IL16: variants seen among roughly 807,000 people sequenced by gnomAD.
IL16 encodes interleukin 16.
A neutral mutation model predicts 110.1 loss-of-function variants in IL16; 67 were observed. That is an observed-to-expected ratio of 0.61 (90% CI 0.50 to 0.75). The LOEUF is 0.75. IL16 is among the 30% of genes least tolerant of loss of function. IL16 has a pLI of 0.00. For synonymous variants in IL16, 689 were observed against 662.9 expected, an observed-to-expected ratio of 1.04 and a Z score of -0.61; for missense variants, 1,545 against 1,655.0, an observed-to-expected ratio of 0.93 and a Z score of 1.15.
At chr15:81,259,528 G>T (rs139178003) in intron 2 of IL16, among the ~76,000 whole-genome samples, 82 of 152,282 alleles carry the variant, frequency 5.4e-4, no homozygotes, top group Non-Finnish European at 9.4e-4. Context: ...CATTCAATTT[G>T]TGTCGCATTA....
In IL16 at chr15:81,292,685, T is replaced by C. The variant is rs140650907; in HGVS notation, c.1550T>C (p.Met517Thr). ...MIRSSSDSSY[M>T]SGSPGGSPGS... ...CGCTCCAGCAGTGACAGCAGCTACA[T>C]GTCTGGGTCCCCAGGGGGAAGTCCT... Residue 517 changes from methionine to threonine, a missense_variant, in exon 12 of 19, where the codon ATG (methionine) becomes ACG (threonine). Around this residue, in one of 3 missense-constraint regions of IL16, gnomAD observed 1,185 missense variants for 1,238.8 expected, o/e 0.96. Transcript: ENST00000683961. The C allele has an allele frequency of 8.7e-6, 14 of 1,614,132 alleles. No homozygotes were observed. The African/African-American group carries it at 1.5e-4, about 17-fold the overall frequency.
Position 81,313,308 on chromosome 15 carries a change from A to T in IL16, c.*4510A>T. On this transcript the variant is annotated 3_prime_UTR_variant, in exon 19 of 19. Coordinates refer to ENST00000683961, the MANE Select transcript of IL16 (RefSeq NM_172217.5). Reference sequence around the variant, plus strand: ...CTGAAGGTTGGCATAAAACCGGGTCATGCTGCGGGGGAAGAAGGAGTCCAC... The same window carrying T: ...CTGAAGGTTGGCATAAAACCGGGTCTTGCTGCGGGGGAAGAAGGAGTCCAC... 3.8e-6 allele frequency: 6 copies of T among 1,580,132 alleles called. No individual in the cohort carries two copies. The highest frequency in any genetic ancestry group is 1.2e-5 in the South Asian group (1 of 84,726).
chr15:81,308,498 C>A, intron 18 of IL16, 107 bp from the exon 19 acceptor site: 1 of 788,050 alleles, frequency 1.3e-6, no homozygotes, highest in Admixed American at 2.6e-5. Flanking sequence ...AGGGATGGTG[C>A]CCTGTTCTCT....
At chr15:81,293,316 C>T (rs1899829338) in intron 12 of IL16, among the ~76,000 whole-genome samples, 1 of 152,178 alleles carries the variant, frequency 6.6e-6, no homozygotes, top group African/African-American at 2.4e-5. Flanking sequence ...TTTTCACTCA[C>T]CATGAAGGAA....
At chr15:81,229,379 T>C (rs991518589) in intron 2 of IL16, among the ~76,000 whole-genome samples, 1 of 151,944 alleles carries the variant, frequency 6.6e-6, no homozygotes, top group Non-Finnish European at 1.5e-5. Flanking sequence ...CAGAGGGATA[T>C]GGGCTCGCAG....
intron 2 of IL16, among the ~76,000 whole-genome samples, chr15:81,245,275 T>C (rs1897497006): frequency 6.6e-6 from 1 of 152,196 alleles, no homozygotes; most frequent in Admixed American, 6.5e-5. Context: ...TATTCAAACC[T>C]TCCATTTTAG....
chr15:81,190,817 C>G (rs1003456332), intron 1 of IL16, among the ~76,000 whole-genome samples: 1 of 152,180 alleles, frequency 6.6e-6, no homozygotes, highest in African/African-American at 2.4e-5. Context: ...AATTACACCC[C>G]AGACCCAGGG....
intron 5 of IL16, among the ~76,000 whole-genome samples, chr15:81,270,128 A>G (rs1898566700): frequency 1.3e-5 from 2 of 152,358 alleles, no homozygotes; most frequent in African/African-American, 4.8e-5. Flanking sequence ...CAATTGTAGC[A>G]TCTGGAAGAG....
At position 81,279,549 on chromosome 15, in the gene IL16, T is replaced by C. The variant is rs1899072073; in HGVS notation, c.865-9T>C. 3 of 1,607,430 alleles carry C rather than the reference T, an allele frequency of 1.9e-6. No individual in the cohort carries two copies. The highest frequency in any genetic ancestry group is 1.7e-5 in the Admixed American group (1 of 59,882). The stretch of plus-strand genomic sequence containing the variant: ...TGCTGGGTGTTGTAGCCCTCTCTCT[T>C]TCTTTCAGCAAGCCAAAAAGGGGCT... On this transcript the variant is annotated splice_polypyrimidine_tract_variant and intron_variant, in intron 7 of 18. Transcript: ENST00000683961.
At chr15:81,302,472 G>A (rs542653178) in intron 15 of IL16, among the ~76,000 whole-genome samples, 1 of 152,292 alleles carries the variant, frequency 6.6e-6, no homozygotes, top group Non-Finnish European at 1.5e-5. Flanking sequence ...CCTGATACTT[G>A]GGTAAAAGTT....
At chr15:81,248,431 G>A (rs1042902669) in intron 2 of IL16, among the ~76,000 whole-genome samples, 1 of 151,296 alleles carries the variant, frequency 6.6e-6, no homozygotes, top group African/African-American at 2.4e-5. Flanking sequence ...GATTTACAAT[G>A]TAAATCTGTC....
chr15:81,265,520 C>T, intron 3 of IL16, 139 bp from the exon 4 acceptor site: 1 of 883,636 alleles, frequency 1.1e-6, no homozygotes, highest in Non-Finnish European at 1.7e-6. Flanking sequence ...CCTCTCCCCA[C>T]CACGCACCTG....
intron 1 of IL16, among the ~76,000 whole-genome samples, chr15:81,205,713 C>CA (rs1257506879): frequency 6.6e-6 from 1 of 151,756 alleles, no homozygotes; most frequent in Non-Finnish European, 1.5e-5. Context: ...AAAAGGGAAA[C>CA]AAAAAAAGCC....
chr15:81,227,343 G>T (rs1451097726), intron 2 of IL16, among the ~76,000 whole-genome samples: 2 of 152,170 alleles, frequency 1.3e-5, no homozygotes, highest in African/African-American at 4.8e-5. Context: ...ATGAGGAGGG[G>T]TTACTGCTTT....
At chr15:81,245,792 G>C (rs2142120751) in intron 2 of IL16, among the ~76,000 whole-genome samples, 1 of 133,244 alleles carries the variant, frequency 7.5e-6, no homozygotes, top group African/African-American at 3.0e-5. Flanking sequence ...TGCAATTCTG[G>C]AATACATGAG....
At chr15:81,227,456 G>C (rs1040235866) in intron 2 of IL16, among the ~76,000 whole-genome samples, 3 of 152,084 alleles carry the variant, frequency 2.0e-5, no homozygotes, top group Admixed American at 1.3e-4. Context: ...CTGGGGAAGG[G>C]CATTGCAGGC....
In IL16 at chr15:81,285,804, A is replaced by G. The variant is rs1899423158; in HGVS notation, c.1306A>G (p.Ile436Val). 8 of 1,614,082 alleles carry G rather than the reference A, an allele frequency of 5.0e-6. No individual in the cohort carries two copies. The highest frequency in any genetic ancestry group is 5.9e-6 in the Non-Finnish European group (7 of 1,180,040). The part of the protein sequence containing the change: ...SHCDPGPVPI[I>V]VSRHPDPQVS... ...CTGTGATCCCGGTCCAGTCCCCATC[A>G]TTGTTAGCCGACATCCAGACCCACA... The change falls in exon 10 of 19, where the codon ATT becomes GTT. Residue 436 changes from isoleucine to valine, a missense_variant. This residue lies in a region of IL16 where 1,185 missense variants were observed against 1,238.8 expected (regional missense o/e 0.96). Transcript: ENST00000683961.
rs769293255 is a variant in IL16 at position 81,244,551 on chromosome 15, G to A, written c.313-15221G>A. On this transcript the variant is annotated intron_variant, in intron 2 of 18. Coordinates refer to ENST00000683961, the MANE Select transcript of IL16 (RefSeq NM_172217.5). ...TCCTCTTTCAGATAAGAAATCTACT[G>A]TCATCTGAATTGAGTTTCCTTTATA... Among the ~76,000 whole-genome samples, 4 of 151,984 alleles carry A rather than the reference G, an allele frequency of 2.6e-5. No individual in the cohort carries two copies. The East Asian group carries it at 7.7e-4, about 29-fold the overall frequency.
chr15:81,282,715 G>A lies in IL16; in HGVS notation c.1158G>A (p.Thr386=), dbSNP rs748192941. The change falls in exon 9 of 19, where the codon ACG becomes ACA. Residue 386 remains threonine, a synonymous_variant. Coordinates refer to ENST00000683961, the MANE Select transcript of IL16 (RefSeq NM_172217.5). ...GCATCTCTGGCATTTTCGTCCACAC[G>A]CTGTCACCAGGATCCGTGGCGCACC... The part of the protein sequence containing the change: ...FQCISGIFVH[T]LSPGSVAHLD... 4.3e-6 allele frequency: 7 copies of A among 1,613,990 alleles called. No homozygotes were observed. Among genetic ancestry groups the A allele is most frequent in the African/African-American group, 2.7e-5 (2 of 74,948 alleles).
Sources: gnomAD v4.1 joint callset for allele counts (sites outside exome capture counted in the v4.1 genomes callset) on GRCh38, gnomAD v4.1.1 for gene constraint, gnomAD v4.1.1 regional missense constraint, MANE v1.5 for transcripts, NCBI Gene and HGNC (gene_info 2026-07-23, HGNC 2026-07-21) for gene names.